GPC5: variants seen among roughly 807,000 people sequenced by gnomAD.
GPC5 encodes the protein glypican 5.
A neutral mutation model predicts 53.9 loss-of-function variants in GPC5; 47 were observed. The ratio of observed to expected loss-of-function variants is 0.87; its 90% confidence interval spans 0.69 to 1.11. The LOEUF (loss-of-function observed/expected upper bound fraction) is 1.11, where lower values mean the gene tolerates loss of function less well. GPC5 is among the 50% of genes most tolerant of loss of function. GPC5 has a pLI of 0.00. For synonymous variants in GPC5, 286 were observed against 263.3 expected, an observed-to-expected ratio of 1.09 and a Z score of -0.84; for missense variants, 748 against 713.1, an observed-to-expected ratio of 1.05 and a Z score of -0.56.
At chr13:92,645,884 A>G (rs1483593354) in intron 7 of GPC5, among the ~76,000 whole-genome samples, 1 of 151,884 alleles carries the variant, frequency 6.6e-6, no homozygotes, top group Non-Finnish European at 1.5e-5. Context: ...TGGCTTCTTA[A>G]TATTGAGTTG....
chr13:91,948,752 A>C (rs560817841), intron 6 of GPC5, among the ~76,000 whole-genome samples: 1 of 152,350 alleles, frequency 6.6e-6, no homozygotes, highest in East Asian at 1.9e-4. Context: ...ATTTTGTAAC[A>C]AACTGGGTTA....
chr13:92,155,401 A>G (rs1261556883), intron 7 of GPC5, among the ~76,000 whole-genome samples: 1 of 151,988 alleles, frequency 6.6e-6, no homozygotes, highest in Non-Finnish European at 1.5e-5. Flanking sequence ...AAAGTACAGC[A>G]ATTTTACTAG....
At chr13:91,890,950 G>A (rs1328507850) in intron 5 of GPC5, among the ~76,000 whole-genome samples, 2 of 152,122 alleles carry the variant, frequency 1.3e-5, no homozygotes, top group African/African-American at 2.4e-5. Context: ...GAATGTCTCT[G>A]GTTATGGCAT....
At position 92,694,400 on chromosome 13, in the gene GPC5, G is replaced by T. The variant is rs183321117; in HGVS notation, c.1562-171882G>T. Among the ~76,000 whole-genome samples the T allele has an allele frequency of 3.4e-3, 517 of 152,294 alleles. 3 individuals are homozygous for T. The highest frequency in any genetic ancestry group is 0.012 in the African/African-American group (478 of 41,564). On this transcript the variant is annotated intron_variant, in intron 7 of 7. Transcript: ENST00000377067. ...CCAGCCTGTGAAAGCAGCTGCAGGG[G>T]CTGTACTCTGCAGAGCCACAGGGGA...
chr13:92,149,633 T>C (rs1566457217), intron 7 of GPC5, among the ~76,000 whole-genome samples: 1 of 152,006 alleles, frequency 6.6e-6, no homozygotes, highest in Non-Finnish European at 1.5e-5. Context: ...AATTACACTT[T>C]ACTAGCCGCT....
chr13:91,767,573 G>A (rs1219267302), intron 5 of GPC5, among the ~76,000 whole-genome samples: 7 of 152,086 alleles, frequency 4.6e-5, no homozygotes, highest in Non-Finnish European at 8.8e-5. Context: ...TACAATTCTA[G>A]TCATCTCCCT....
At chr13:91,585,599 C>T (rs575879721) in intron 2 of GPC5, among the ~76,000 whole-genome samples, 17 of 152,170 alleles carry the variant, frequency 1.1e-4, no homozygotes, top group African/African-American at 3.1e-4. Flanking sequence ...AAATCTGTGG[C>T]GTTTGACCCA....
intron 7 of GPC5, among the ~76,000 whole-genome samples, chr13:92,170,292 A>G (rs954345128): frequency 2.6e-5 from 4 of 151,778 alleles, no homozygotes; most frequent in African/African-American, 4.8e-5. Flanking sequence ...AGATTCTTTA[A>G]TTGATATTGC....
intron 3 of GPC5, among the ~76,000 whole-genome samples, chr13:91,715,770 GTCTCTC>G (rs55859912): frequency 2.4e-3 from 322 of 132,820 alleles, no homozygotes; most frequent in African/African-American, 7.5e-3. Flanking sequence ...TTAAGATAGG[GTCTCTC>G]TCTCTCTCTC....
Position 92,161,928 on chromosome 13 carries a change from T to C in GPC5, c.1561+16939T>C, listed in dbSNP as rs555957238. ...GCTAATTTTTAAGAATATAAATAAT[T>C]ATATTTGCCTATTAAGTAATATATA... On this transcript the variant is annotated intron_variant, in intron 7 of 7. Transcript: ENST00000377067. Among the ~76,000 whole-genome samples the C allele has an allele frequency of 9.7e-5, 14 of 143,966 alleles. No homozygotes were observed. The East Asian group carries it at 2.6e-3, about 27-fold the overall frequency. 94.4% of individuals were successfully genotyped at this position (143,966 alleles called of 152,430 possible).
At chr13:92,584,458 C>T (rs1883470715) in intron 7 of GPC5, among the ~76,000 whole-genome samples, 1 of 152,122 alleles carries the variant, frequency 6.6e-6, no homozygotes, top group Non-Finnish European at 1.5e-5. Flanking sequence ...TGGCAAAAGA[C>T]ATTTATAAGC....
At chr13:91,725,312 TAAG>T (rs1421064023) in intron 3 of GPC5, 1 of 152,082 alleles carries the variant, frequency 6.6e-6, no homozygotes, top group African/African-American at 2.4e-5. Context: ...GGAGGAGAAT[TAAG>T]AAGGAAATTG....
chr13:92,412,178 T>G (rs2139350732), intron 7 of GPC5, among the ~76,000 whole-genome samples: 1 of 152,326 alleles, frequency 6.6e-6, no homozygotes, highest in Middle Eastern at 3.4e-3. Context: ...TTAAAAATGC[T>G]TGTAGTGCTA....
At chr13:92,418,143 G>A (rs2139358362) in intron 7 of GPC5, among the ~76,000 whole-genome samples, 1 of 152,240 alleles carries the variant, frequency 6.6e-6, no homozygotes, top group African/African-American at 2.4e-5. Flanking sequence ...CAAAAGCCAG[G>A]AATGGATGGC....
intron 7 of GPC5, among the ~76,000 whole-genome samples, chr13:92,354,053 C>G (rs2043502360): frequency 6.6e-6 from 1 of 152,148 alleles, no homozygotes; most frequent in African/African-American, 2.4e-5. Context: ...TTTTTCCATG[C>G]ATTCTATTAA....
At chr13:92,478,340 A>G (rs1373295802) in intron 7 of GPC5, among the ~76,000 whole-genome samples, 3 of 152,190 alleles carry the variant, frequency 2.0e-5, no homozygotes, top group Non-Finnish European at 4.4e-5. Context: ...AGTTGAAGAA[A>G]CTATACTGTT....
At position 91,998,415 on chromosome 13, in the gene GPC5, T is replaced by C. The variant is rs562133773; in HGVS notation, c.1401+90358T>C. On this transcript the variant is annotated intron_variant, in intron 6 of 7. Transcript: ENST00000377067. Reference sequence around the variant, plus strand: ...ACATACACACACCCTGTTAGAATCATGATTAATATCATATATAATTTCTGG... The same window carrying C: ...ACATACACACACCCTGTTAGAATCACGATTAATATCATATATAATTTCTGG... 1.1e-4 allele frequency among the ~76,000 whole-genome samples: 16 copies of C among 152,338 alleles called. No homozygotes were observed. In the East Asian group the frequency reaches 1.9e-3, roughly 18 times the overall value.
At chr13:91,867,200 A>G (rs570582966) in intron 5 of GPC5, among the ~76,000 whole-genome samples, 26 of 152,312 alleles carry the variant, frequency 1.7e-4, no homozygotes, top group African/African-American at 5.3e-4. Flanking sequence ...GGGAAACAAG[A>G]GTGAAACTCT....
intron 5 of GPC5, among the ~76,000 whole-genome samples, chr13:91,904,480 T>C (rs2039532752): frequency 6.6e-6 from 1 of 152,066 alleles, no homozygotes; most frequent in African/African-American, 2.4e-5. Flanking sequence ...GGTTTCAGGA[T>C]TGATACTTAT....
Sources: allele counts gnomAD v4.1 joint callset (sites outside exome capture counted in the v4.1 genomes callset), GRCh38; gene constraint gnomAD v4.1.1; transcripts MANE v1.5; gene names NCBI Gene and HGNC (gene_info 2026-07-23, HGNC 2026-07-21).